Variants in OSBPL8 observed in about 807,000 individuals in gnomAD.
OSBPL8 encodes the protein oxysterol-binding protein-related protein 8.
In OSBPL8, 59 loss-of-function variants were observed where a neutral mutation model predicts 125.5. That is an observed-to-expected ratio of 0.47 (90% confidence interval 0.38 to 0.58). The LOEUF is 0.58. OSBPL8 is among the 20% of genes least tolerant of loss of function. OSBPL8 has a pLI of 0.00. For missense variants in OSBPL8, 758 were observed against 1,047.8 expected, an observed-to-expected ratio of 0.72 and a Z score of 3.82; for synonymous variants, 330 against 338.9, an observed-to-expected ratio of 0.97 and a Z score of 0.29.
rs1592590951 is a variant in OSBPL8 at position 76,392,668 on chromosome 12, T to C, written c.842A>G (p.His281Arg). 3 of 1,614,156 alleles carry C rather than the reference T, an allele frequency of 1.9e-6. No individual in the cohort carries two copies. Among genetic ancestry groups the C allele is most frequent in the African/African-American group, 1.3e-5 (1 of 75,076 alleles). The change falls in exon 10 of 24, where the codon CAT (histidine) becomes CGT (arginine). Residue 281 changes from histidine to arginine, a missense_variant. Coordinates refer to ENST00000261183, the MANE Select transcript of OSBPL8 (RefSeq NM_020841.5). ...KRTMIREGKE[H>R]DLSVSSDSTH... ...GCTATCTGATGAAACGCTCAGGTCA[T>C]GTTCCTTTCCTTCTCTGATCATTGT...
At chr12:76,367,872 A>G (rs1952479565) in intron 21 of OSBPL8, among the ~76,000 whole-genome samples, 1 of 152,220 alleles carries the variant, frequency 6.6e-6, no homozygotes. Flanking sequence ...GTAATGAACT[A>G]TATCTTTACA....
At chr12:76,440,984 T>C (rs1473266294) in intron 4 of OSBPL8, among the ~76,000 whole-genome samples, 2 of 152,204 alleles carry the variant, frequency 1.3e-5, no homozygotes, top group Non-Finnish European at 2.9e-5. Flanking sequence ...TTGATGTTCT[T>C]ACTAGAAGGA....
In OSBPL8 at chr12:76,553,736, G is replaced by A. The variant is rs575419525; in HGVS notation, c.-68+5661C>T. On this transcript the variant is annotated intron_variant, in intron 1 of 23. Transcript: ENST00000261183. The stretch of plus-strand genomic sequence containing the variant: ...CACGCCTGTAATCTCAACACTTTGG[G>A]AGGACGAGGCAGGTGGATCACTTTA... Among the ~76,000 whole-genome samples, 60 of 151,344 alleles carry A rather than the reference G, an allele frequency of 4.0e-4. 2 individuals are homozygous for A. In the South Asian group the frequency reaches 0.012, roughly 31 times the overall value.
At chr12:76,520,648 G>A (rs1199170370) in intron 1 of OSBPL8, among the ~76,000 whole-genome samples, 1 of 152,088 alleles carries the variant, frequency 6.6e-6, no homozygotes, top group Non-Finnish European at 1.5e-5. Context: ...AAGGTGGAAG[G>A]TCACTCCTAT....
intron 1 of OSBPL8, chr12:76,536,911 G>A (rs181375663): frequency 6.6e-6 from 1 of 151,550 alleles, no homozygotes; most frequent in Non-Finnish European, 1.5e-5. Context: ...TTCATCCAGT[G>A]GATGCTATGA....
At chr12:76,465,817 C>A (rs1398383931) in intron 2 of OSBPL8, among the ~76,000 whole-genome samples, 2 of 151,970 alleles carry the variant, frequency 1.3e-5, no homozygotes, top group African/African-American at 4.8e-5. Context: ...ACCAGCCTGG[C>A]CAACATGGTG....
chr12:76,527,388 CAAAAGAA>C (rs984890734), intron 1 of OSBPL8, among the ~76,000 whole-genome samples: 21 of 152,070 alleles, frequency 1.4e-4, no homozygotes, highest in Non-Finnish European at 5.9e-5. Context: ...GTCAGCTCTT[CAAAAGAA>C]AAATCAGTTC....
rs1953481258 is a variant in OSBPL8, at chr12:76,389,770, T to A, written c.1227A>T (p.Thr409=). The part of the protein sequence containing the change: ...VSEENKSLIW[T]LLKQVRPGMD... ...TGCCAGGACGGACTTGTTTCAATAG[T>A]GTCCAGATAAGGCTTTTGTTTTCTT... Residue 409 remains threonine, a synonymous_variant, in exon 12 of 24, where the codon ACA becomes ACT. Transcript: ENST00000261183. 6.3e-7 allele frequency: 1 copy of A among 1,589,828 alleles called. No individual in the cohort carries two copies. The highest frequency in any genetic ancestry group is 8.6e-7 in the Non-Finnish European group (1 of 1,166,426).
At position 76,384,318 on chromosome 12, in the gene OSBPL8, A is replaced by G. The variant is rs1227822806; in HGVS notation, c.1566T>C (p.Tyr522=). The G allele has an allele frequency of 1.3e-6, 2 of 1,567,388 alleles. No homozygotes were observed. The highest frequency in any genetic ancestry group is 4.5e-5 in the East Asian group (2 of 44,332). ...VSHHPPISAF[Y]VSNRKDGFCL... is the part of the protein sequence containing the mutation. ...AAAATCCATCTTTTCGATTACTAAC[A>G]TAAAAGGCAGATATTGGTGGATGAT... Residue 522 remains tyrosine (Y), a synonymous_variant, in exon 15 of 24, where the codon TAT becomes TAC. Transcript: ENST00000261183.
chr12:76,355,720 G>GT lies in OSBPL8; in HGVS notation c.*168dup. 1 of 643,016 alleles carries GT rather than the reference G, an allele frequency of 1.6e-6. No homozygotes were observed. Among genetic ancestry groups the GT allele is most frequent in the Non-Finnish European group, 2.5e-6 (1 of 393,830 alleles). 39.8% of individuals were successfully genotyped at this position (643,016 alleles called of 1,614,324 possible). The stretch of plus-strand genomic sequence containing the variant: ...TTAATAATCAAATAGGATAGCTCTT[G>GT]TTTCAGTGTGAAGATAAAAGATACG... On this transcript the variant is annotated 3_prime_UTR_variant, in exon 24 of 24. Coordinates refer to ENST00000261183, the MANE Select transcript of OSBPL8 (RefSeq NM_020841.5).
At chr12:76,490,775 G>T (rs899036267) in intron 1 of OSBPL8, among the ~76,000 whole-genome samples, 1 of 152,210 alleles carries the variant, frequency 6.6e-6, no homozygotes, top group African/African-American at 2.4e-5. Context: ...AAAGGCAGAG[G>T]GCCCACTGAA....
At position 76,354,614 on chromosome 12, in the gene OSBPL8, C is replaced by G. The variant is rs1451498108; in HGVS notation, c.*1275G>C. On this transcript the variant is annotated 3_prime_UTR_variant, in exon 24 of 24. Coordinates refer to ENST00000261183, the MANE Select transcript of OSBPL8 (RefSeq NM_020841.5). Reference sequence around the variant, plus strand: ...ACAACATATTCCTAAACTGAACTACCTTGGCAAAAATTGCTTTCAAGGAAT... The same window carrying G: ...ACAACATATTCCTAAACTGAACTACGTTGGCAAAAATTGCTTTCAAGGAAT... 6.6e-6 allele frequency: 1 copy of G among 151,746 alleles called. No homozygotes were observed. Among genetic ancestry groups the G allele is most frequent in the Non-Finnish European group, 1.5e-5 (1 of 67,812 alleles). The allele number at this position is 151,746 out of a possible 1,614,324, so 9.4% of individuals were successfully genotyped here.
At chr12:76,423,931 C>T (rs1232521883) in intron 4 of OSBPL8, among the ~76,000 whole-genome samples, 1 of 152,142 alleles carries the variant, frequency 6.6e-6, no homozygotes, top group African/African-American at 2.4e-5. Context: ...TCATGCACAA[C>T]ATCTCATATA....
At chr12:76,491,608 T>C (rs1394877273) in intron 1 of OSBPL8, among the ~76,000 whole-genome samples, 1 of 152,200 alleles carries the variant, frequency 6.6e-6, no homozygotes, top group Admixed American at 6.5e-5. Context: ...TTATAATATA[T>C]GGTAATTATT....
intron 3 of OSBPL8, among the ~76,000 whole-genome samples, chr12:76,457,035 G>A (rs1409614576): frequency 6.6e-6 from 1 of 152,104 alleles, no homozygotes; most frequent in South Asian, 2.1e-4. Context: ...CGTTATTCAA[G>A]GTTTACAATA....
chr12:76,436,059 A>G (rs571091102), intron 4 of OSBPL8, among the ~76,000 whole-genome samples: 55 of 152,198 alleles, frequency 3.6e-4, no homozygotes, highest in African/African-American at 1.3e-3. Context: ...AAGCATGAAA[A>G]CCAAGCTATG....
chr12:76,544,346 C>A (rs1295006201), intron 1 of OSBPL8, among the ~76,000 whole-genome samples: 1 of 152,064 alleles, frequency 6.6e-6, no homozygotes, highest in Non-Finnish European at 1.5e-5. Context: ...TACCAAATAC[C>A]AAATCCATTC....
At chr12:76,533,743 C>T (rs1163736844) in intron 1 of OSBPL8, among the ~76,000 whole-genome samples, 1 of 152,178 alleles carries the variant, frequency 6.6e-6, no homozygotes, top group Non-Finnish European at 1.5e-5. Flanking sequence ...AAATGTCTTT[C>T]AAAGGACAAA....
intron 1 of OSBPL8, among the ~76,000 whole-genome samples, chr12:76,514,714 G>A (rs1169490570): frequency 6.6e-6 from 1 of 152,162 alleles, no homozygotes. Flanking sequence ...CAAAGCTGGG[G>A]AAGTTTTCAT....
Sources: gnomAD v4.1 joint callset for allele counts (sites outside exome capture counted in the v4.1 genomes callset) on GRCh38, gnomAD v4.1.1 for gene constraint, MANE v1.5 for transcripts, NCBI Gene and HGNC (gene_info 2026-07-23, HGNC 2026-07-21) for gene names.